The following DNAAF9 variants were observed in gnomAD, a reference collection of about 807,000 sequenced individuals.
DNAAF9 encodes dynein axonemal assembly factor 9, also known as shulin.
In DNAAF9, 90 loss-of-function variants were observed where a neutral mutation model predicts 167.0. The ratio of observed to expected loss-of-function variants is 0.54; its 90% CI spans 0.45 to 0.64. The LOEUF is 0.64. Among genes scored for constraint, DNAAF9 ranks in the 30% least tolerant of loss-of-function variants. The pLI is 0.00. For missense variants in DNAAF9, 1,315 were observed against 1,442.2 expected (o/e 0.91, Z 1.43); for synonymous variants, 491 against 508.8 (o/e 0.96, Z 0.47).
intron 1 of DNAAF9, among the ~76,000 whole-genome samples, chr20:3,383,465 G>T (rs1393647854): frequency 6.6e-6 from 1 of 151,436 alleles, no homozygotes; most frequent in Non-Finnish European, 1.5e-5. Context: ...ATGGAGTTTT[G>T]CCATGTTGGC....
intron 23 of DNAAF9, chr20:3,296,076 G>T (rs2069071702): frequency 1.3e-6 from 1 of 742,574 alleles, no homozygotes. Flanking sequence ...ACTGTTAGCT[G>T]AGAACAGTGA....
At chr20:3,304,375 G>T in intron 21 of DNAAF9, 65 bp downstream of exon 21, 1 of 795,058 alleles carries the variant, frequency 1.3e-6, no homozygotes, top group Non-Finnish European at 2.3e-6. Context: ...GAGTTATTTA[G>T]TTTTCCCCTC....
At chr20:3,387,326 A>C (rs2083756689) in intron 1 of DNAAF9, among the ~76,000 whole-genome samples, 1 of 152,190 alleles carries the variant, frequency 6.6e-6, no homozygotes, top group Non-Finnish European at 1.5e-5. Flanking sequence ...AATGAAACAG[A>C]ATAAAGAGAC....
chr20:3,349,083 G>A (rs927026010), intron 7 of DNAAF9, among the ~76,000 whole-genome samples: 1 of 150,388 alleles, frequency 6.6e-6, no homozygotes. Context: ...GCTAGGAGCA[G>A]TGGTTCACAT....
intron 34 of DNAAF9, 56 bp from the exon 35 acceptor site, chr20:3,255,340 G>T: frequency 9.2e-7 from 1 of 1,083,294 alleles, no homozygotes; most frequent in Non-Finnish European, 1.4e-6. Context: ...GAGTGCATGG[G>T]CAGGGGAGGG....
rs554461171 is a variant in DNAAF9, at chr20:3,293,661, G to A, written c.2238+478C>T. Among the ~76,000 whole-genome samples the A allele has an allele frequency of 9.4e-3, 1,224 of 129,992 alleles. 17 individuals carry two copies. The highest frequency in any genetic ancestry group is 0.036 in the African/African-American group (1,172 of 32,220). 85.3% of individuals were successfully genotyped at this position (129,992 alleles called of 152,430 possible). ...GATCACGCCAGTGCACTCCAGCCTG[G>A]GTGACAAAAAAAAAAAAAAAAAAAA... On this transcript the variant is annotated intron_variant, in intron 25 of 36. Coordinates refer to ENST00000252032, the MANE Select transcript of DNAAF9 (RefSeq NM_001009984.3).
chr20:3,291,199 G>C (rs1323671447), intron 25 of DNAAF9, among the ~76,000 whole-genome samples: 1 of 152,152 alleles, frequency 6.6e-6, no homozygotes, highest in African/African-American at 2.4e-5. Context: ...AGGAAAATAG[G>C]TCCCCTTTCA....
chr20:3,309,176 A>C (rs1199129144), intron 20 of DNAAF9, among the ~76,000 whole-genome samples: 1 of 152,080 alleles, frequency 6.6e-6, no homozygotes, highest in African/African-American at 2.4e-5. Flanking sequence ...CAGGATTTTC[A>C]AAAAACTTGT....
chr20:3,283,411 C>T (rs541345171), intron 27 of DNAAF9, among the ~76,000 whole-genome samples: 1 of 152,374 alleles, frequency 6.6e-6, no homozygotes, highest in East Asian at 1.9e-4. Context: ...GGCAGTGCTT[C>T]AGTAGAGAAC....
At chr20:3,282,806 T>C (rs565724608) in intron 27 of DNAAF9, among the ~76,000 whole-genome samples, 3 of 152,254 alleles carry the variant, frequency 2.0e-5, no homozygotes, top group Admixed American at 6.5e-5. Flanking sequence ...TCTGCATGGG[T>C]GGTTCTCTCT....
At chr20:3,332,415 T>TA (rs1555792965) in intron 10 of DNAAF9, 54 bp from the exon 11 acceptor site, 85 of 887,508 alleles carry the variant, frequency 9.6e-5, no homozygotes, top group Non-Finnish European at 9.3e-6. Context: ...AGGCATGTAC[T>TA]AGTAGATAAA....
At chr20:3,324,713 ATCTTTGGC>A (rs1238780048) in intron 14 of DNAAF9, among the ~76,000 whole-genome samples, 171 bp downstream of exon 14, 3 of 152,220 alleles carry the variant, frequency 2.0e-5, no homozygotes, top group African/African-American at 4.8e-5. Flanking sequence ...CAGTTCCTGC[ATCTTTGGC>A]TCTTTGGCTT....
rs144880969 is a variant in DNAAF9 at position 3,395,776 on chromosome 20, A to T, written c.83+11699T>A. ...CAAGTTTTATATTTTTATTTATAAAATAATCTTTAACATTCTTATTAGGTT... is the reference window on the plus strand; with the variant it reads ...CAAGTTTTATATTTTTATTTATAAATTAATCTTTAACATTCTTATTAGGTT... On this transcript the variant is annotated intron_variant, in intron 1 of 36. Transcript: ENST00000252032. Among the ~76,000 whole-genome samples, 828 of 152,270 alleles carry T rather than the reference A, an allele frequency of 5.4e-3. 2 individuals carry two copies. The highest frequency in any genetic ancestry group is 6.8e-3 in the Middle Eastern group (2 of 294).
chr20:3,357,220 C>A (rs536596756), intron 7 of DNAAF9, among the ~76,000 whole-genome samples: 144 of 152,210 alleles, frequency 9.5e-4, no homozygotes, highest in African/African-American at 3.4e-3. Context: ...GCCTGTAATC[C>A]CAGCACTTTG....
chr20:3,380,799 T>C (rs1178817155), intron 3 of DNAAF9, among the ~76,000 whole-genome samples: 1 of 152,224 alleles, frequency 6.6e-6, no homozygotes, highest in Admixed American at 6.5e-5. Context: ...CAGAGATAGC[T>C]CCTGGGCAAT....
intron 20 of DNAAF9, among the ~76,000 whole-genome samples, chr20:3,308,123 C>G (rs2069335770): frequency 6.6e-6 from 1 of 152,058 alleles, no homozygotes; most frequent in Admixed American, 6.6e-5. Flanking sequence ...CCAGGGGGAA[C>G]AGCATCCTGA....
At chr20:3,381,913 G>A (rs377706866) in intron 2 of DNAAF9, among the ~76,000 whole-genome samples, 1 of 152,088 alleles carries the variant, frequency 6.6e-6, no homozygotes, top group East Asian at 1.9e-4. Flanking sequence ...CAAGTGAGTG[G>A]AACCACAAAC....
intron 28 of DNAAF9, among the ~76,000 whole-genome samples, chr20:3,281,408 T>C (rs532634050): frequency 6.6e-6 from 1 of 152,364 alleles, no homozygotes; most frequent in Admixed American, 6.5e-5. Flanking sequence ...AAGTCCTTAC[T>C]ATGTACTATT....
chr20:3,374,890 CTTAATTCT>C, intron 5 of DNAAF9, 132 bp downstream of exon 5: 2 of 631,140 alleles, frequency 3.2e-6, no homozygotes, highest in Non-Finnish European at 5.7e-6. Flanking sequence ...AGTCCCCATA[CTTAATTCT>C]GCTTGATGTC....
Sources: allele counts gnomAD v4.1 joint callset (sites outside exome capture counted in the v4.1 genomes callset), GRCh38; gene constraint gnomAD v4.1.1; transcripts MANE v1.5; gene names NCBI Gene and HGNC (gene_info 2026-07-23, HGNC 2026-07-21).